CHMP5: variants seen among roughly 807,000 people sequenced by gnomAD.
CHMP5 encodes SNF7 domain containing 2.
CHMP5 carries 17 observed loss-of-function variants against 33.0 expected under a neutral mutation model. That is an observed-to-expected ratio of 0.52 (90% confidence interval 0.35 to 0.77). The LOEUF (loss-of-function observed/expected upper bound fraction) is 0.77. Ranked by LOEUF, CHMP5 falls within the 30% of genes least tolerant of loss-of-function variation. The pLI, the probability that CHMP5 is intolerant of heterozygous loss-of-function variation, is 0.01. For missense variants in CHMP5, 216 were observed against 261.5 expected (o/e 0.83, Z 1.20); for synonymous variants, 76 against 90.2 (o/e 0.84, Z 0.89).
At chr9:33,268,812 C>A (rs1237258908) in intron 3 of CHMP5, among the ~76,000 whole-genome samples, 1 of 152,164 alleles carries the variant, frequency 6.6e-6, no homozygotes, top group African/African-American at 2.4e-5. Flanking sequence ...GAAATAACCA[C>A]CTTTAAAATG....
chr9:33,276,309 T>C (rs1820853637), intron 5 of CHMP5, 147 bp from the exon 6 acceptor site: 2 of 557,798 alleles, frequency 3.6e-6, no homozygotes, highest in Non-Finnish European at 6.3e-6. Flanking sequence ...CTAACAGTTG[T>C]TGAGAACTGT....
At chr9:33,275,069 A>T (rs1820836575) in intron 5 of CHMP5, among the ~76,000 whole-genome samples, 2 of 152,218 alleles carry the variant, frequency 1.3e-5, no homozygotes, top group Non-Finnish European at 2.9e-5. Context: ...GTTATGCTAT[A>T]CCACTTCTTA....
chr9:33,270,762 A>AT, intron 4 of CHMP5, 46 bp downstream of exon 4: 1 of 1,450,362 alleles, frequency 6.9e-7, no homozygotes. Flanking sequence ...ATTTATTCTT[A>AT]TTCTCTTTTC....
In CHMP5 at chr9:33,270,702, G is replaced by A. The variant is rs748370551; in HGVS notation, c.301G>A (p.Asp101Asn). ...CAATTATACCATCCAGTCTTTGAAG[G>A]ACACCAAGACCACGGTACTCCCAAA... ...QANYTIQSLK[D>N]TKTTVDAMKL... The change falls in exon 4 of 8, where the codon GAC becomes AAC. Residue 101 changes from aspartate to asparagine, a missense_variant. Asp to Asn is a conservative substitution (Grantham distance 23). Coordinates refer to ENST00000223500, the MANE Select transcript of CHMP5 (RefSeq NM_016410.6). 6.2e-7 allele frequency: 1 copy of A among 1,612,200 alleles called. No individual in the cohort carries two copies. The highest frequency in any genetic ancestry group is 1.7e-5 in the Admixed American group (1 of 60,002).
chr9:33,270,445 G>C (rs556990165), intron 3 of CHMP5, among the ~76,000 whole-genome samples, 178 bp from the exon 4 acceptor site: 3 of 152,262 alleles, frequency 2.0e-5, no homozygotes, highest in African/African-American at 7.2e-5. Flanking sequence ...CACATCAAAT[G>C]ATATTTGTGT....
At chr9:33,272,409 AAGAG>A (rs1394229797) in intron 5 of CHMP5, among the ~76,000 whole-genome samples, 2 of 151,186 alleles carry the variant, frequency 1.3e-5, no homozygotes, top group African/African-American at 4.9e-5. Flanking sequence ...AAAAAAAAAA[AAGAG>A]AGAAAGCAGT....
intron 6 of CHMP5, 195 bp from the exon 7 acceptor site, chr9:33,277,918 C>T (rs928823074): frequency 2.8e-5 from 13 of 468,810 alleles, no homozygotes; most frequent in African/African-American, 2.1e-4. Flanking sequence ...TATTGTCATT[C>T]CTCTTGGCCA....
chr9:33,275,245 G>C (rs1409017958), intron 5 of CHMP5, among the ~76,000 whole-genome samples: 2 of 152,226 alleles, frequency 1.3e-5, no homozygotes, highest in Non-Finnish European at 1.5e-5. Context: ...GGTGTGGGCA[G>C]ATTTTGGTAT....
rs1348366338 is a variant in CHMP5 at position 33,281,458 on chromosome 9, T to C, written c.*599T>C. Reference sequence around the variant, plus strand: ...ACTTGTAATCAATTATGAATATTTCTTGATATTTAATGTATAGGACATTTA... The same window carrying C: ...ACTTGTAATCAATTATGAATATTTCCTGATATTTAATGTATAGGACATTTA... On this transcript the variant is annotated 3_prime_UTR_variant, in exon 8 of 8. Transcript: ENST00000223500. 6.5e-6 allele frequency: 1 copy of C among 152,684 alleles called. No homozygotes were observed. Among genetic ancestry groups the C allele is most frequent in the African/African-American group, 2.4e-5 (1 of 41,472 alleles). 9.5% of individuals were successfully genotyped at this position (152,684 alleles called of 1,614,324 possible).
At chr9:33,273,214 C>A (rs1481283684) in intron 5 of CHMP5, among the ~76,000 whole-genome samples, 1 of 152,104 alleles carries the variant, frequency 6.6e-6, no homozygotes, top group African/African-American at 2.4e-5. Context: ...TCAAGTGATC[C>A]GCCCACCTCG....
intron 6 of CHMP5, among the ~76,000 whole-genome samples, chr9:33,276,790 A>T (rs1820860016): frequency 6.6e-6 from 1 of 152,190 alleles, no homozygotes; most frequent in African/African-American, 2.4e-5. Context: ...GTACAGGCTG[A>T]CCTGGTGCTT....
At position 33,281,505 on chromosome 9, in the gene CHMP5, T is replaced by C. The variant is rs1474059683; in HGVS notation, c.*646T>C. 9 of 152,698 alleles carry C rather than the reference T, an allele frequency of 5.9e-5. No individual in the cohort carries two copies. The highest frequency in any genetic ancestry group is 1.0e-4 in the Non-Finnish European group (7 of 68,048). 9.5% of individuals were successfully genotyped at this position (152,698 alleles called of 1,614,324 possible). On this transcript the variant is annotated 3_prime_UTR_variant, in exon 8 of 8. Coordinates refer to ENST00000223500, the MANE Select transcript of CHMP5 (RefSeq NM_016410.6). ...TTTATTTATACTCAATAAATATTTT[T>C]CAAAAGGATATAATTTTAATAATAT...
chr9:33,266,219 T>A (rs1820721075), intron 2 of CHMP5, 105 bp downstream of exon 2: 1 of 634,782 alleles, frequency 1.6e-6, no homozygotes, highest in African/African-American at 1.9e-5. Flanking sequence ...ATGCATGTAA[T>A]CCCAGCACTT....
At chr9:33,275,731 C>G (rs913285531) in intron 5 of CHMP5, among the ~76,000 whole-genome samples, 1 of 152,134 alleles carries the variant, frequency 6.6e-6, no homozygotes, top group East Asian at 1.9e-4. Flanking sequence ...CAAATCCAGC[C>G]GGGCACAGTA....
At chr9:33,269,618 C>T (rs1271092357) in intron 3 of CHMP5, among the ~76,000 whole-genome samples, 1 of 152,052 alleles carries the variant, frequency 6.6e-6, no homozygotes, top group African/African-American at 2.4e-5. Flanking sequence ...ATAGTTTTAC[C>T]CTTTGCTCTA....
chr9:33,276,896 C>T (rs1050716158), intron 6 of CHMP5, among the ~76,000 whole-genome samples: 3 of 152,112 alleles, frequency 2.0e-5, no homozygotes, highest in African/African-American at 7.2e-5. Context: ...TCCCTCAGAA[C>T]AGCAAAACCA....
intron 5 of CHMP5, 105 bp downstream of exon 5, chr9:33,271,328 G>A: frequency 1.1e-6 from 1 of 919,118 alleles, no homozygotes; most frequent in Middle Eastern, 2.2e-4. Context: ...TGAATCTTGG[G>A]GCTGCCATTT....
intron 6 of CHMP5, among the ~76,000 whole-genome samples, chr9:33,277,329 A>G (rs887126313): frequency 6.6e-6 from 1 of 152,136 alleles, no homozygotes; most frequent in East Asian, 1.9e-4. Flanking sequence ...CTTCTCTAGC[A>G]GTGGAAGACA....
chr9:33,274,895 C>T (rs1052858008), intron 5 of CHMP5, among the ~76,000 whole-genome samples: 2 of 152,190 alleles, frequency 1.3e-5, no homozygotes, highest in African/African-American at 4.8e-5. Flanking sequence ...GGATTACAGG[C>T]ATGAGCCACC....
Sources: allele counts gnomAD v4.1 joint callset (sites outside exome capture counted in the v4.1 genomes callset), GRCh38; gene constraint gnomAD v4.1.1; transcripts MANE v1.5; gene names NCBI Gene and HGNC (gene_info 2026-07-23, HGNC 2026-07-21).